SH3D19: variants seen among roughly 807,000 people sequenced by gnomAD.
SH3D19 encodes the protein SH3 domain-containing protein 19.
In SH3D19, 58 loss-of-function variants were observed where a neutral mutation model predicts 112.1. That is an observed-to-expected ratio of 0.52 (90% confidence interval 0.42 to 0.64). The LOEUF (loss-of-function observed/expected upper bound fraction) is 0.64, where lower values mean the gene tolerates loss of function less well. SH3D19 is among the 30% of genes least tolerant of loss of function. The pLI is 0.00. For synonymous variants in SH3D19, 391 were observed against 448.5 expected, an observed-to-expected ratio of 0.87 and a Z score of 1.62; for missense variants, 1,090 against 1,263.4, an observed-to-expected ratio of 0.86 and a Z score of 2.08.
At chr4:151,293,408 G>A (rs1249298581) in intron 1 of SH3D19, among the ~76,000 whole-genome samples, 1 of 151,334 alleles carries the variant, frequency 6.6e-6, no homozygotes, top group African/African-American at 2.4e-5. Flanking sequence ...GGGAGACGGA[G>A]CTTGCTGTGA....
At chr4:151,155,434 T>C (rs1297116190) in intron 9 of SH3D19, among the ~76,000 whole-genome samples, 1 of 152,200 alleles carries the variant, frequency 6.6e-6, no homozygotes, top group African/African-American at 2.4e-5. Flanking sequence ...AAATTTTTCT[T>C]CTCCAGATGA....
chr4:151,224,847 G>C (rs1768732340), intron 2 of SH3D19, among the ~76,000 whole-genome samples: 1 of 152,054 alleles, frequency 6.6e-6, no homozygotes, highest in African/African-American at 2.4e-5. Context: ...ATGCCTGGCT[G>C]CTATTTTTCT....
intron 1 of SH3D19, among the ~76,000 whole-genome samples, chr4:151,231,971 G>A (rs1217833716): frequency 2.0e-5 from 3 of 152,154 alleles, no homozygotes; most frequent in African/African-American, 7.2e-5. Context: ...ATCACTTGAG[G>A]TCAGGAGTTC....
At position 151,131,886 on chromosome 4, in the gene SH3D19, G is replaced by A. The variant is rs868306968; in HGVS notation, c.2742+445C>T. On this transcript the variant is annotated intron_variant, in intron 17 of 19. Transcript: ENST00000604030. ...GCCACCCAGGCTGGAATGCAGTGGT[G>A]CTATCTTGGCTCACTGCAACCTCCA... Among the ~76,000 whole-genome samples the A allele has an allele frequency of 4.6e-5, 7 of 152,130 alleles. No homozygotes were observed. In the South Asian group the frequency reaches 1.5e-3, roughly 32 times the overall value.
chr4:151,299,570 A>G (rs1728136517), intron 1 of SH3D19, among the ~76,000 whole-genome samples: 1 of 115,398 alleles, frequency 8.7e-6, no homozygotes, highest in African/African-American at 3.1e-5. Context: ...ACAAGAGCGA[A>G]ACTCCGTCTC....
intron 1 of SH3D19, among the ~76,000 whole-genome samples, chr4:151,237,271 A>G (rs919992257): frequency 2.6e-5 from 4 of 152,234 alleles, no homozygotes; most frequent in Non-Finnish European, 5.9e-5. Flanking sequence ...CCAATTTCGG[A>G]CATAAGGTCA....
At chr4:151,154,569 A>G (rs1283942585) in intron 9 of SH3D19, among the ~76,000 whole-genome samples, 10 of 149,706 alleles carry the variant, frequency 6.7e-5, no homozygotes, top group South Asian at 2.1e-4. Context: ...GTGAGCCACC[A>G]CACCCGGCCT....
intron 1 of SH3D19, among the ~76,000 whole-genome samples, chr4:151,310,761 G>A (rs1026084026): frequency 1.3e-5 from 2 of 151,250 alleles, no homozygotes; most frequent in African/African-American, 2.4e-5. Context: ...TAGTAGAGAC[G>A]GGGTTTCACC....
chr4:151,166,891 C>T (rs1289696927), intron 7 of SH3D19, among the ~76,000 whole-genome samples: 2 of 152,156 alleles, frequency 1.3e-5, no homozygotes, highest in Non-Finnish European at 2.9e-5. Context: ...CCATCAGATA[C>T]CCTGCCAAAG....
intron 2 of SH3D19, among the ~76,000 whole-genome samples, chr4:151,197,976 C>T (rs1191366674): frequency 6.6e-6 from 1 of 152,004 alleles, no homozygotes; most frequent in African/African-American, 2.4e-5. Flanking sequence ...TGTTGTGACA[C>T]TGTAAGATTT....
intron 1 of SH3D19, among the ~76,000 whole-genome samples, chr4:151,304,043 C>A (rs976880254): frequency 6.6e-6 from 1 of 151,152 alleles, no homozygotes; most frequent in African/African-American, 2.4e-5. Flanking sequence ...GATTCAAACT[C>A]GTAGGCTCAA....
chr4:151,139,892 G>T, intron 12 of SH3D19, 45 bp from the exon 13 acceptor site: 1 of 1,588,828 alleles, frequency 6.3e-7, no homozygotes, highest in Non-Finnish European at 8.6e-7. Context: ...CAGGATAGAT[G>T]GTGGATTTAT....
chr4:151,162,173 C>A (rs950417350), intron 8 of SH3D19, among the ~76,000 whole-genome samples: 1 of 151,100 alleles, frequency 6.6e-6, no homozygotes, highest in Non-Finnish European at 1.5e-5. Flanking sequence ...CAACAGGCCC[C>A]GGTGTGTGAT....
chr4:151,216,088 C>CA (rs1767043119), intron 2 of SH3D19, among the ~76,000 whole-genome samples: 1 of 152,200 alleles, frequency 6.6e-6, no homozygotes, highest in Non-Finnish European at 1.5e-5. Flanking sequence ...CTCGGCCTCC[C>CA]AAAGTGCTGG....
intron 2 of SH3D19, among the ~76,000 whole-genome samples, chr4:151,211,557 C>T (rs893716293): frequency 6.9e-6 from 1 of 144,132 alleles, no homozygotes. Context: ...TTCCACCACA[C>T]ATTTAGCAAA....
intron 1 of SH3D19, among the ~76,000 whole-genome samples, chr4:151,323,855 C>T (rs1025336025): frequency 1.3e-5 from 2 of 152,190 alleles, no homozygotes; most frequent in African/African-American, 4.8e-5. Context: ...CAGGTCTTCA[C>T]TGTACAGTCT....
At chr4:151,234,144 A>G (rs1769827752) in intron 1 of SH3D19, among the ~76,000 whole-genome samples, 1 of 152,192 alleles carries the variant, frequency 6.6e-6, no homozygotes, top group African/African-American at 2.4e-5. Context: ...TGCTCAACAT[A>G]GTCTTCTCCA....
intron 7 of SH3D19, among the ~76,000 whole-genome samples, chr4:151,168,019 T>TA (rs1653405468): frequency 6.6e-6 from 1 of 152,128 alleles, no homozygotes; most frequent in Non-Finnish European, 1.5e-5. Flanking sequence ...ACTTTTTAGT[T>TA]AAAAAAACAA....
intron 11 of SH3D19, among the ~76,000 whole-genome samples, chr4:151,146,772 G>C (rs951772512): frequency 6.6e-6 from 1 of 152,084 alleles, no homozygotes; most frequent in African/African-American, 2.4e-5. Context: ...AATCTCAAGT[G>C]ATCCACCCGC....
Sources: allele counts gnomAD v4.1 joint callset (sites outside exome capture counted in the v4.1 genomes callset), GRCh38; gene constraint gnomAD v4.1.1; transcripts MANE v1.5; gene names NCBI Gene and HGNC (gene_info 2026-07-23, HGNC 2026-07-21).